Variants in ZNF420 observed in about 807,000 individuals in gnomAD.
ZNF420 encodes the protein ATM and p53-associated KZNF protein.
Under a neutral mutation model 44.7 loss-of-function variants are expected in ZNF420, and 31 were observed. That is an observed-to-expected ratio of 0.69 (90% CI 0.52 to 0.94). The LOEUF (loss-of-function observed/expected upper bound fraction) is 0.94. Ranked by LOEUF, ZNF420 falls within the 40% of genes least tolerant of loss-of-function variation. ZNF420 has a pLI of 0.00. For synonymous variants in ZNF420, 245 were observed against 267.4 expected, an observed-to-expected ratio of 0.92 and a Z score of 0.82; for missense variants, 681 against 827.9, an observed-to-expected ratio of 0.82 and a Z score of 2.18.
At chr19:37,044,212 C>T (rs1228425422) in intron 1 of ZNF420, among the ~76,000 whole-genome samples, 1 of 152,186 alleles carries the variant, frequency 6.6e-6, no homozygotes, top group Non-Finnish European at 1.5e-5. Context: ...CTATTTACCT[C>T]CACATTTTAA....
At chr19:37,108,714 A>C (rs1374579277) in intron 4 of ZNF420, among the ~76,000 whole-genome samples, 2 of 152,140 alleles carry the variant, frequency 1.3e-5, no homozygotes, top group African/African-American at 4.8e-5. Flanking sequence ...CCCCATTCCC[A>C]AGGGTAGAAA....
At chr19:37,066,797 C>T (rs1326219938) in intron 1 of ZNF420, among the ~76,000 whole-genome samples, 2 of 152,164 alleles carry the variant, frequency 1.3e-5, no homozygotes, top group South Asian at 2.1e-4. Flanking sequence ...CTAGGTGTTA[C>T]CCCAGAGAAA....
chr19:37,107,383 C>CT lies in ZNF420; in HGVS notation c.136+16270dup, dbSNP rs529297990. 1,047 of 152,094 alleles carry CT rather than the reference C, an allele frequency of 6.9e-3. 7 individuals carry two copies. The highest frequency in any genetic ancestry group is 8.5e-3 in the Non-Finnish European group (577 of 68,026). The allele number at this position is 152,094 out of a possible 1,614,324, so 9.4% of individuals were successfully genotyped here. On this transcript the variant is annotated intron_variant, in intron 4 of 4. Transcript: ENST00000337995. ...TTAACAAGCATACTGCCTTCAAGCA[C>CT]TTTTTTTTAACAAAGTACATCCTGC...
chr19:37,127,131 T>C lies in ZNF420; in HGVS notation c.140T>C (p.Leu47Ser). The C allele has an allele frequency of 6.8e-7, 1 of 1,462,548 alleles. No homozygotes were observed. Among genetic ancestry groups the C allele is most frequent in the Non-Finnish European group, 9.0e-7 (1 of 1,105,218 alleles). The allele number at this position is 1,462,548 out of a possible 1,614,324, so 90.6% of individuals were successfully genotyped here. Residue 47 changes from leucine to serine, a missense_variant, in exon 5 of 5, where the codon TTG becomes TCG. Transcript: ENST00000337995. ...TTTATTCTCTCTTATCTTTCAGACT[T>C]GCCTTCAAGGTGTGCAAGTAAGGAC... is the stretch of plus-strand genomic sequence containing the variant. ...ENYSNLVSLD[L>S]PSRCASKDLS...
At chr19:37,113,367 G>A (rs1006740888) in intron 4 of ZNF420, among the ~76,000 whole-genome samples, 8 of 152,092 alleles carry the variant, frequency 5.3e-5, no homozygotes, top group African/African-American at 1.2e-4. Flanking sequence ...AGCAAGTCCC[G>A]TTATTGCTTG....
At chr19:37,071,648 A>C (rs1018261592) in intron 1 of ZNF420, among the ~76,000 whole-genome samples, 1 of 152,108 alleles carries the variant, frequency 6.6e-6, no homozygotes, top group Non-Finnish European at 1.5e-5. Context: ...TGAAAATACA[A>C]AAATTAGCTG....
chr19:37,022,563 AT>A (rs1282330816), intron 1 of ZNF420, among the ~76,000 whole-genome samples: 6 of 152,160 alleles, frequency 3.9e-5, no homozygotes, highest in African/African-American at 1.4e-4. Context: ...ATTCTTCTGA[AT>A]TTTATCTCAT....
chr19:37,110,982 T>C (rs1453469458), intron 4 of ZNF420, among the ~76,000 whole-genome samples: 1 of 152,232 alleles, frequency 6.6e-6, no homozygotes, highest in Non-Finnish European at 1.5e-5. Flanking sequence ...TCTAACTTGT[T>C]CCTTGGTTAA....
At chr19:37,018,046 C>A (rs1230355052) in intron 1 of ZNF420, among the ~76,000 whole-genome samples, 1 of 151,816 alleles carries the variant, frequency 6.6e-6, no homozygotes, top group Non-Finnish European at 1.5e-5. Flanking sequence ...AAGAGAAAAC[C>A]ATGCCATTCA....
chr19:37,105,434 A>C (rs1360082427), intron 4 of ZNF420, among the ~76,000 whole-genome samples: 1 of 152,174 alleles, frequency 6.6e-6, no homozygotes, highest in Admixed American at 6.5e-5. Context: ...AGGTAGCATG[A>C]TGCCTCCAGC....
At chr19:37,016,460 A>T (rs1170090440) in intron 1 of ZNF420, among the ~76,000 whole-genome samples, 7 of 152,200 alleles carry the variant, frequency 4.6e-5, no homozygotes, top group Non-Finnish European at 1.5e-5. Flanking sequence ...ACTCTAGCAC[A>T]GGCCCCTCCT....
intron 4 of ZNF420, chr19:37,106,970 A>C (rs907154432): frequency 6.6e-6 from 1 of 152,056 alleles, no homozygotes; most frequent in African/African-American, 2.4e-5. Flanking sequence ...CGGTGCATTA[A>C]AGAGCAGTAT....
chr19:37,013,255 C>T (rs1358860041), intron 1 of ZNF420, among the ~76,000 whole-genome samples: 2 of 152,126 alleles, frequency 1.3e-5, no homozygotes, highest in African/African-American at 4.8e-5. Flanking sequence ...CAGCAGCCCC[C>T]GCTCACTATT....
intron 4 of ZNF420, among the ~76,000 whole-genome samples, chr19:37,098,545 T>G (rs1427947196): frequency 1.3e-5 from 2 of 152,260 alleles, no homozygotes; most frequent in Admixed American, 1.3e-4. Context: ...TAAACACTTT[T>G]AAAAGTTTTG....
At chr19:37,091,191 A>G in intron 4 of ZNF420, 70 bp downstream of exon 4, 1 of 1,414,694 alleles carries the variant, frequency 7.1e-7, no homozygotes, top group Non-Finnish European at 9.4e-7. Context: ...GTTATTTCAA[A>G]TTTCCTTTTT....
chr19:37,102,647 CTT>C (rs1428300185), intron 4 of ZNF420, among the ~76,000 whole-genome samples: 2 of 152,202 alleles, frequency 1.3e-5, no homozygotes, highest in Non-Finnish European at 2.9e-5. Context: ...TTTCCTAGGT[CTT>C]GGGCTTTACT....
At chr19:37,111,656 A>G (rs1475816918) in intron 4 of ZNF420, 1 of 152,194 alleles carries the variant, frequency 6.6e-6, no homozygotes, top group Admixed American at 6.5e-5. Context: ...TAACTGGTTG[A>G]AGAGCTTGAC....
chr19:37,044,036 T>G (rs150727044), intron 1 of ZNF420, among the ~76,000 whole-genome samples: 3,675 of 152,310 alleles, frequency 0.024, 159 homozygotes, highest in African/African-American at 0.083. Context: ...AGTCCCAGTT[T>G]TAAATTTTTG....
intron 1 of ZNF420, chr19:37,025,094 A>G (rs1967128211): frequency 3.6e-6 from 1 of 280,602 alleles, no homozygotes; most frequent in East Asian, 6.6e-5. Flanking sequence ...TGACTAAGTC[A>G]TCCATACACA....
Sources: gnomAD v4.1 joint callset for allele counts (sites outside exome capture counted in the v4.1 genomes callset) on GRCh38, gnomAD v4.1.1 for gene constraint, MANE v1.5 for transcripts, NCBI Gene and HGNC (gene_info 2026-07-23, HGNC 2026-07-21) for gene names.